Variants in SYT1 observed in about 807,000 individuals in gnomAD.
SYT1 encodes synaptotagmin 1, also known as synaptotagmin-1.
SYT1 carries 8 observed loss-of-function variants against 44.8 expected under a neutral mutation model. The ratio of observed to expected loss-of-function variants is 0.18; its 90% CI spans 0.10 to 0.32. The LOEUF (loss-of-function observed/expected upper bound fraction) is 0.32, where lower values mean the gene tolerates loss of function less well. SYT1 is among the 10% of genes least tolerant of loss of function. The probability of loss-of-function intolerance (pLI) is 1.00; values close to 1 mark genes in which losing one functional copy is unlikely to be tolerated. For synonymous variants in SYT1, 154 were observed against 188.8 expected (o/e 0.82, Z 1.51); for missense variants, 286 against 509.3 (o/e 0.56, Z 4.22).
intron 4 of SYT1, among the ~76,000 whole-genome samples, chr12:79,274,417 G>A (rs1434808169): frequency 1.3e-5 from 2 of 152,212 alleles, no homozygotes; most frequent in Non-Finnish European, 2.9e-5. Flanking sequence ...AGCTGAGTGG[G>A]TCTCACTGTG....
intron 1 of SYT1, among the ~76,000 whole-genome samples, chr12:78,957,150 A>G (rs1034790064): frequency 1.1e-4 from 16 of 152,164 alleles, no homozygotes; most frequent in African/African-American, 3.4e-4. Context: ...ACCGGAAAAT[A>G]TACCCATGTG....
At chr12:79,377,599 C>T (rs1388631392) in intron 9 of SYT1, among the ~76,000 whole-genome samples, 1 of 152,206 alleles carries the variant, frequency 6.6e-6, no homozygotes, top group East Asian at 1.9e-4. Context: ...CTTCTGCTTT[C>T]CAAGAGAATA....
chr12:79,395,799 A>G (rs1412373793), intron 9 of SYT1, among the ~76,000 whole-genome samples: 1 of 152,212 alleles, frequency 6.6e-6, no homozygotes, highest in Non-Finnish European at 1.5e-5. Flanking sequence ...GAATATAGAA[A>G]TATCAAAGAA....
intron 8 of SYT1, among the ~76,000 whole-genome samples, chr12:79,306,561 A>T (rs774304485): frequency 1.3e-3 from 203 of 152,362 alleles, no homozygotes; most frequent in Non-Finnish European, 1.2e-3. Flanking sequence ...GAGCATTAAC[A>T]TCATTACATG....
At chr12:79,304,544 T>A (rs1463032632) in intron 8 of SYT1, among the ~76,000 whole-genome samples, 1 of 152,216 alleles carries the variant, frequency 6.6e-6, no homozygotes. Flanking sequence ...TGTTAAAGGC[T>A]TATTTAGTGT....
At chr12:78,954,077 T>C (rs1363670095) in intron 1 of SYT1, among the ~76,000 whole-genome samples, 1 of 152,080 alleles carries the variant, frequency 6.6e-6, no homozygotes, top group Non-Finnish European at 1.5e-5. Context: ...TGCTACTTCA[T>C]TTGTGGCCTT....
chr12:79,148,360 GA>G (rs1209603600), intron 3 of SYT1, among the ~76,000 whole-genome samples: 2 of 152,092 alleles, frequency 1.3e-5, no homozygotes, highest in Non-Finnish European at 2.9e-5. Flanking sequence ...ATTTTTCAGT[GA>G]TAATCTTTTT....
chr12:79,253,390 T>C (rs1252474620), intron 4 of SYT1, among the ~76,000 whole-genome samples: 1 of 152,048 alleles, frequency 6.6e-6, no homozygotes, highest in Non-Finnish European at 1.5e-5. Context: ...CTATTGTAAT[T>C]GGGGGCACCA....
intron 2 of SYT1, among the ~76,000 whole-genome samples, chr12:79,040,024 G>A (rs1261930374): frequency 6.6e-6 from 1 of 151,418 alleles, no homozygotes; most frequent in Non-Finnish European, 1.5e-5. Flanking sequence ...GTCTATCATT[G>A]TTGGACATTT....
intron 2 of SYT1, among the ~76,000 whole-genome samples, chr12:79,011,715 A>C (rs183917567): frequency 6.6e-6 from 1 of 151,682 alleles, no homozygotes; most frequent in East Asian, 1.9e-4. Flanking sequence ...CTCCTGAATT[A>C]AAATTTCTGG....
intron 3 of SYT1, among the ~76,000 whole-genome samples, chr12:79,052,753 A>G (rs1347969702): frequency 6.6e-6 from 1 of 152,210 alleles, no homozygotes; most frequent in African/African-American, 2.4e-5. Context: ...GACACATGAA[A>G]AAATGCTCAT....
intron 3 of SYT1, among the ~76,000 whole-genome samples, chr12:79,098,464 C>T (rs1016373918): frequency 6.6e-6 from 1 of 152,038 alleles, no homozygotes; most frequent in Non-Finnish European, 1.5e-5. Context: ...TTGGCTAGAT[C>T]TAAATTTGTC....
At chr12:79,060,245 C>A (rs576786532) in intron 3 of SYT1, among the ~76,000 whole-genome samples, 1 of 152,184 alleles carries the variant, frequency 6.6e-6, no homozygotes. Flanking sequence ...CCAAACAAAA[C>A]CTACGTCCCT....
intron 3 of SYT1, among the ~76,000 whole-genome samples, chr12:79,138,539 C>T (rs1445149237): frequency 2.0e-5 from 3 of 152,242 alleles, no homozygotes; most frequent in South Asian, 2.1e-4. Flanking sequence ...TTTGACCCGT[C>T]AGCTCTGCAA....
intron 1 of SYT1, among the ~76,000 whole-genome samples, chr12:78,954,037 T>G (rs1879097902): frequency 6.6e-6 from 1 of 152,114 alleles, no homozygotes; most frequent in Non-Finnish European, 1.5e-5. Flanking sequence ...CTTGGACTAC[T>G]TAGAGAATCA....
At chr12:78,966,713 C>T (rs1424041020) in intron 1 of SYT1, among the ~76,000 whole-genome samples, 4 of 152,112 alleles carry the variant, frequency 2.6e-5, no homozygotes, top group Admixed American at 6.5e-5. Flanking sequence ...TGTTAATTTC[C>T]CACTACATCC....
chr12:79,164,694 A>T (rs1871137994), intron 3 of SYT1, among the ~76,000 whole-genome samples: 1 of 152,098 alleles, frequency 6.6e-6, no homozygotes, highest in Non-Finnish European at 1.5e-5. Context: ...GAGGCTGTGC[A>T]GTAACAGGCA....
At chr12:79,448,830 T>C (rs1870875566) in intron 10 of SYT1, 88 bp from the exon 11 acceptor site, 1 of 1,176,792 alleles carries the variant, frequency 8.5e-7, no homozygotes, top group African/African-American at 1.5e-5. Context: ...TTCTTCTATT[T>C]CCAATTCTTT....
intron 9 of SYT1, among the ~76,000 whole-genome samples, chr12:79,359,751 T>C (rs1883247195): frequency 6.6e-6 from 1 of 152,152 alleles, no homozygotes; most frequent in Admixed American, 6.5e-5. Flanking sequence ...CATGGGTTTG[T>C]CTTTTCTCTA....
Sources: gnomAD v4.1 joint callset for allele counts (sites outside exome capture counted in the v4.1 genomes callset) on GRCh38, gnomAD v4.1.1 for gene constraint, MANE v1.5 for transcripts, NCBI Gene and HGNC (gene_info 2026-07-23, HGNC 2026-07-21) for gene names.